MBD3: variants seen among roughly 807,000 people sequenced by gnomAD.
MBD3 encodes methyl-CpG binding domain protein 3, also known as methyl-CpG-binding domain protein 3.
Under a neutral mutation model 31.2 loss-of-function variants are expected in MBD3, and 13 were observed. That is an observed-to-expected ratio of 0.42 (90% CI 0.27 to 0.66). The LOEUF (loss-of-function observed/expected upper bound fraction) is 0.66, where lower values mean the gene tolerates loss of function less well. MBD3 is among the 30% of genes least tolerant of loss of function. The pLI is 0.26. For synonymous variants in MBD3, 223 were observed against 187.4 expected (o/e 1.19, Z -1.55); for missense variants, 440 against 426.5 (o/e 1.03, Z -0.28).
rs1917256668 is a variant in MBD3, at chr19:1,578,223, G to A, written c.*6-65C>T. On this transcript the variant is annotated intron_variant, in intron 6 of 6. Transcript: ENST00000434436. This position sits in a 1 kb window ranked among gnomAD's most constrained non-coding sequence, Gnocchi z 6.1. ...GGACGGGGACGCTTGGGCTCTTCTA[G>A]GGAGATGGGAAGCTCTTGGGAGGCA... 6.6e-7 allele frequency: 1 copy of A among 1,518,648 alleles called. No homozygotes were observed. Among genetic ancestry groups the A allele is most frequent in the South Asian group, 1.2e-5 (1 of 86,758 alleles). The allele number at this position is 1,518,648 out of a possible 1,614,324, so 94.1% of individuals were successfully genotyped here.
intron 4 of MBD3, among the ~76,000 whole-genome samples, chr19:1,581,994 C>T (rs1328615049): frequency 6.6e-6 from 1 of 152,154 alleles, no homozygotes. Context: ...ATCTCGATCT[C>T]CTGACCTCAT....
At chr19:1,591,557 C>G (rs2060703706) in intron 1 of MBD3, among the ~76,000 whole-genome samples, 1 of 152,200 alleles carries the variant, frequency 6.6e-6, no homozygotes, top group East Asian at 1.9e-4. Flanking sequence ...CCGCACACCC[C>G]CCTTTACCCA....
chr19:1,575,151 C>T lies in MBD3; in HGVS notation c.*3013G>A. ...CTGCTGCTGGCAAGTGCCAGAAGGGCTGCCATGGTGGTTCACACCTGTAAT... is the reference window on the plus strand; with the variant it reads ...CTGCTGCTGGCAAGTGCCAGAAGGGTTGCCATGGTGGTTCACACCTGTAAT... On this transcript the variant is annotated 3_prime_UTR_variant, in exon 7 of 7. Coordinates refer to ENST00000434436, the MANE Select transcript of MBD3 (RefSeq NM_001281453.2). The T allele has an allele frequency of 2.3e-6, 1 of 428,034 alleles. No homozygotes were observed. Among genetic ancestry groups the T allele is most frequent in the Non-Finnish European group, 4.8e-6 (1 of 210,376 alleles). The allele number at this position is 428,034 out of a possible 1,614,324, so 26.5% of individuals were successfully genotyped here. A position where few individuals can be genotyped will look rare whatever the true frequency, so the allele number is the denominator to read the frequency against.
intron 1 of MBD3, chr19:1,592,266 C>G (rs1439071303): frequency 6.4e-6 from 1 of 156,810 alleles, no homozygotes; most frequent in African/African-American, 2.4e-5. Flanking sequence ...CCTGGCCCAG[C>G]GCGCACGAAC....
rs182101449 is a variant in MBD3 at position 1,578,096 on chromosome 19, G to A, written c.*68C>T. 7.3e-5 allele frequency: 45 copies of A among 617,456 alleles called. No homozygotes were observed. In the East Asian group the frequency reaches 7.6e-4, roughly 10 times the overall value. 38.2% of individuals were successfully genotyped at this position (617,456 alleles called of 1,614,324 possible). ...GGCTTCGCCGCCGAGCCTGGTTCAC[G>A]TGGGGCCGAGGACCGCGTCTGCAGG... On this transcript the variant is annotated 3_prime_UTR_variant, in exon 7 of 7. Coordinates refer to ENST00000434436, the MANE Select transcript of MBD3 (RefSeq NM_001281453.2). The surrounding 1 kb of genome is among the most constrained non-coding windows in gnomAD (Gnocchi z 6.1).
chr19:1,578,037 A>G lies in MBD3; in HGVS notation c.*127T>C. On this transcript the variant is annotated 3_prime_UTR_variant, in exon 7 of 7. Coordinates refer to ENST00000434436, the MANE Select transcript of MBD3 (RefSeq NM_001281453.2). The surrounding 1 kb of genome is among the most constrained non-coding windows in gnomAD (Gnocchi z 6.1). ...GGGACGGGCCGAGGAGGGAGCCAGGAGCACGGCCTTCCTCCTGGGTGTCTC... is the reference window on the plus strand; with the variant it reads ...GGGACGGGCCGAGGAGGGAGCCAGGGGCACGGCCTTCCTCCTGGGTGTCTC... 1 of 518,516 alleles carries G rather than the reference A, an allele frequency of 1.9e-6. No homozygotes were observed. The highest frequency in any genetic ancestry group is 3.5e-6 in the Non-Finnish European group (1 of 285,912). 32.1% of individuals were successfully genotyped at this position (518,516 alleles called of 1,614,324 possible).
At chr19:1,587,789 T>C (rs1275839012) in intron 1 of MBD3, among the ~76,000 whole-genome samples, 1 of 152,182 alleles carries the variant, frequency 6.6e-6, no homozygotes, top group Non-Finnish European at 1.5e-5. Context: ...CTCAAACATA[T>C]TATGTCTACA....
chr19:1,588,723 GA>G (rs1214899488), intron 1 of MBD3, among the ~76,000 whole-genome samples: 1 of 145,984 alleles, frequency 6.9e-6, no homozygotes, highest in Non-Finnish European at 1.5e-5. Flanking sequence ...AGGTTGCAGT[GA>G]GCCGAGATCA....
chr19:1,581,031 C>G lies in MBD3; in HGVS notation c.677+61G>C. 3.1e-6 allele frequency: 5 copies of G among 1,589,856 alleles called. No homozygotes were observed. In the South Asian group the frequency reaches 3.3e-5, roughly 11 times the overall value. ...AAGCACGCAGGCACACGGGGACACTCAGGGTCCCCACGGCCACAAGAGACA... is the reference window on the plus strand; with the variant it reads ...AAGCACGCAGGCACACGGGGACACTGAGGGTCCCCACGGCCACAAGAGACA... On this transcript the variant is annotated intron_variant, in intron 5 of 6. Coordinates refer to ENST00000434436, the MANE Select transcript of MBD3 (RefSeq NM_001281453.2).
chr19:1,578,597 A>G lies in MBD3; in HGVS notation c.678-59T>C. ...TGAGCGGCCAGCAGGACATGGACAC[A>G]GGATGAACGTGGGGACCTCAGCTGG... On this transcript the variant is annotated intron_variant, in intron 5 of 6. Coordinates refer to ENST00000434436, the MANE Select transcript of MBD3 (RefSeq NM_001281453.2). The surrounding 1 kb of genome is among the most constrained non-coding windows in gnomAD (Gnocchi z 6.1). The G allele has an allele frequency of 1.9e-6, 3 of 1,605,236 alleles. No homozygotes were observed. In the Admixed American group the frequency reaches 5.0e-5, roughly 27 times the overall value.
At chr19:1,580,179 C>T (rs151250530) in intron 5 of MBD3, among the ~76,000 whole-genome samples, 4 of 152,198 alleles carry the variant, frequency 2.6e-5, no homozygotes, top group African/African-American at 4.8e-5. Context: ...GTTCTCTGAG[C>T]GCGCAGAGAG....
In MBD3 at chr19:1,578,587, A is replaced by G. The variant is rs368051736; in HGVS notation, c.678-49T>C. The G allele has an allele frequency of 6.8e-6, 11 of 1,607,002 alleles. No homozygotes were observed. Among genetic ancestry groups the G allele is most frequent in the Admixed American group, 3.3e-5 (2 of 60,008 alleles). On this transcript the variant is annotated intron_variant, in intron 5 of 6. Coordinates refer to ENST00000434436, the MANE Select transcript of MBD3 (RefSeq NM_001281453.2). This position sits in a 1 kb window ranked among gnomAD's most constrained non-coding sequence, Gnocchi z 6.1. ...TACACCAAGGTGAGCGGCCAGCAGG[A>G]CATGGACACAGGATGAACGTGGGGA...
At chr19:1,584,831 C>G in intron 2 of MBD3, 154 bp from the exon 3 acceptor site, 1 of 981,270 alleles carries the variant, frequency 1.0e-6, no homozygotes, top group Non-Finnish European at 1.4e-6. Flanking sequence ...GCCGCTCCCG[C>G]AGGGTCGGTC....
chr19:1,588,087 G>T (rs541759893), intron 1 of MBD3, among the ~76,000 whole-genome samples: 4 of 152,152 alleles, frequency 2.6e-5, no homozygotes, highest in Non-Finnish European at 5.9e-5. Flanking sequence ...TCTATGTACT[G>T]GGCCGATACA....
rs567262118 is a variant in MBD3, at chr19:1,578,302, C to T, written c.*5+33G>A. ...CCAGGCAGTCCCCACTGCCAGGACC[C>T]GACTCCAGGGAGCCCCCGTGGCCCC... On this transcript the variant is annotated intron_variant, in intron 6 of 6. Transcript: ENST00000434436. This position sits in a 1 kb window ranked among gnomAD's most constrained non-coding sequence, Gnocchi z 6.1. 6.3e-5 allele frequency: 100 copies of T among 1,599,604 alleles called. No individual in the cohort carries two copies. Among genetic ancestry groups the T allele is most frequent in the Middle Eastern group, 4.3e-4 (2 of 4,624 alleles).
chr19:1,577,624 G>A lies in MBD3; in HGVS notation c.*540C>T, dbSNP rs1205614006. ...CCTCCTGGGCATGCCACTCAGGCAC[G>A]GTGAGGCTCTGTGGCACCACCAGCC... is the stretch of plus-strand genomic sequence containing the variant. On this transcript the variant is annotated 3_prime_UTR_variant, in exon 7 of 7. Transcript: ENST00000434436. 1 of 152,720 alleles carries A rather than the reference G, an allele frequency of 6.5e-6. No individual in the cohort carries two copies. The highest frequency in any genetic ancestry group is 2.4e-5 in the African/African-American group (1 of 41,452). 9.5% of individuals were successfully genotyped at this position (152,720 alleles called of 1,614,324 possible). A position where few individuals can be genotyped will look rare whatever the true frequency, so the allele number is the denominator to read the frequency against.
intron 1 of MBD3, chr19:1,586,309 GCT>G (rs1387331632): frequency 6.6e-6 from 1 of 152,304 alleles, no homozygotes. Flanking sequence ...AAGGAGCGAG[GCT>G]CTGACACAGG....
At chr19:1,584,913 G>A (rs1394069212) in intron 2 of MBD3, 142 bp downstream of exon 2, 3 of 1,266,136 alleles carry the variant, frequency 2.4e-6, no homozygotes, top group East Asian at 5.2e-5. Flanking sequence ...CCTGTGGCCT[G>A]CGCCTTCCGC....
chr19:1,584,640 T>A lies in MBD3; in HGVS notation c.308A>T (p.Gln103Leu). ...CGGCTGCTTGAAGATGGACGCCGTC[T>A]GGCGCACGGGCAGCGCCGTGTTCAG... Reference protein sequence around the residue: ...PDLNTALPVRQTASIFKQPVT... With the variant: ...PDLNTALPVRLTASIFKQPVT... The change falls in exon 3 of 7, where the codon CAG becomes CTG. Residue 103 changes from glutamine (Q) to leucine (L), a missense_variant. Gln to Leu is a moderately radical substitution (Grantham distance 113). Around this residue, in one of 3 missense-constraint regions of MBD3, gnomAD observed 144 missense variants for 196.9 expected, o/e 0.73. Coordinates refer to ENST00000434436, the MANE Select transcript of MBD3 (RefSeq NM_001281453.2). The A allele has an allele frequency of 6.2e-7, 1 of 1,613,608 alleles. No individual in the cohort carries two copies. The highest frequency in any genetic ancestry group is 8.5e-7 in the Non-Finnish European group (1 of 1,179,862).
Sources: gnomAD v4.1 joint callset for allele counts (sites outside exome capture counted in the v4.1 genomes callset) on GRCh38, gnomAD v4.1.1 for gene constraint, gnomAD v4.1.1 regional missense constraint, Gnocchi (gnomAD v3.1) non-coding constraint, MANE v1.5 for transcripts, NCBI Gene and HGNC (gene_info 2026-07-23, HGNC 2026-07-21) for gene names.